ARFIP2: variants seen among roughly 807,000 people sequenced by gnomAD.
The protein encoded by ARFIP2 is ARF interacting protein 2.
A neutral mutation model predicts 39.2 loss-of-function variants in ARFIP2; 14 were observed. The observed-to-expected ratio is 0.36, with a 90% CI of 0.24 to 0.56. The LOEUF (loss-of-function observed/expected upper bound fraction) is 0.56. Ranked by LOEUF, ARFIP2 falls within the 20% of genes least tolerant of loss-of-function variation. The pLI, the probability that ARFIP2 is intolerant of heterozygous loss-of-function variation, is 0.85. For missense variants in ARFIP2, 305 were observed against 422.5 expected, an observed-to-expected ratio of 0.72 and a Z score of 2.44; for synonymous variants, 167 against 172.4, an observed-to-expected ratio of 0.97 and a Z score of 0.24.
intron 4 of ARFIP2, 88 bp from the exon 5 acceptor site, chr11:6,479,047 T>G: frequency 6.3e-7 from 1 of 1,579,672 alleles, no homozygotes; most frequent in Admixed American, 1.7e-5. Context: ...AGGCTCCTAC[T>G]CTCAGCCACA....
rs1486456691 is a variant in ARFIP2 at position 6,478,412 on chromosome 11, A to G, written c.538-214T>C. On this transcript the variant is annotated intron_variant, in intron 5 of 7. Coordinates refer to ENST00000396777, the MANE Select transcript of ARFIP2 (RefSeq NM_001376558.2). The surrounding 1 kb of genome is among the most constrained non-coding windows in gnomAD (Gnocchi z 4.8). ...ATGTGGGTGGTGGGCATTCTTGGGT[A>G]AGTTCACAAGACTGGAACAGTCTGA... 1.3e-5 allele frequency among the ~76,000 whole-genome samples: 2 copies of G among 152,046 alleles called. No homozygotes were observed. Among genetic ancestry groups the G allele is most frequent in the African/African-American group, 4.8e-5 (2 of 41,410 alleles).
At chr11:6,479,093 G>A (rs1274801889) in intron 4 of ARFIP2, 47 bp downstream of exon 4, 1 of 1,595,910 alleles carries the variant, frequency 6.3e-7, no homozygotes, top group Admixed American at 1.7e-5. Context: ...AAGGGAAAAA[G>A]GTACCCATAA....
Position 6,478,925 on chromosome 11 carries a change from C to T in ARFIP2, c.350G>A (p.Arg117Gln), listed in dbSNP as rs1851408014. 2 of 1,614,170 alleles carry T rather than the reference C, an allele frequency of 1.2e-6. No homozygotes were observed. Among genetic ancestry groups the T allele is most frequent in the Non-Finnish European group, 8.5e-7 (1 of 1,180,016 alleles). The part of the protein sequence containing the change: ...TKQLLSERFG[R>Q]GSRTVDLELE... The stretch of plus-strand genomic sequence containing the variant: ...CTCCAGGTCCACAGTCCGTGAGCCT[C>T]GACCAAATCGTTCTGATAACAGTTG... The change falls in exon 5 of 8, where the codon CGA (arginine) becomes CAA (glutamine). Residue 117 changes from arginine to glutamine, a missense_variant. Physicochemically the swap from Arg to Gln is conservative, Grantham distance 43. This residue lies in a region of ARFIP2 where 151 missense variants were observed against 203.1 expected (regional missense o/e 0.74). Coordinates refer to ENST00000396777, the MANE Select transcript of ARFIP2 (RefSeq NM_001376558.2). The surrounding 1 kb of genome is among the most constrained non-coding windows in gnomAD (Gnocchi z 4.8).
At position 6,478,398 on chromosome 11, in the gene ARFIP2, G is replaced by A. The variant is rs1041594844; in HGVS notation, c.538-200C>T. ...TACCTGGGGTAGGAATGTGGGTGGT[G>A]GGCATTCTTGGGTAAGTTCACAAGA... On this transcript the variant is annotated intron_variant, in intron 5 of 7. Coordinates refer to ENST00000396777, the MANE Select transcript of ARFIP2 (RefSeq NM_001376558.2). This position sits in a 1 kb window ranked among gnomAD's most constrained non-coding sequence, Gnocchi z 4.8. 2.0e-5 allele frequency among the ~76,000 whole-genome samples: 3 copies of A among 152,086 alleles called. No homozygotes were observed. The highest frequency in any genetic ancestry group is 2.9e-5 in the Non-Finnish European group (2 of 68,006).
rs557742142 is a variant in ARFIP2, at chr11:6,476,797, G to C, written c.*316C>G. 3.4e-6 allele frequency: 1 copy of C among 297,102 alleles called. No homozygotes were observed. The highest frequency in any genetic ancestry group is 6.9e-5 in the East Asian group (1 of 14,528). 18.4% of individuals were successfully genotyped at this position (297,102 alleles called of 1,614,324 possible). A position where few individuals can be genotyped will look rare whatever the true frequency, so the allele number is the denominator to read the frequency against. ...CATTTTCAGGCTCTGTCATTGGTCA[G>C]GGAGCACACCCCAGCCTGAAGAGTG... On this transcript the variant is annotated 3_prime_UTR_variant, in exon 8 of 8. Transcript: ENST00000396777.
Position 6,479,345 on chromosome 11 carries a change from G to A in ARFIP2, c.197-87C>T. On this transcript the variant is annotated intron_variant, in intron 3 of 7. Transcript: ENST00000396777. ...CACCCATACTTCTCTTCGAGCACAT[G>A]AAATTGACTTCCCTGAAGGAGATGC... 6.2e-7 allele frequency: 1 copy of A among 1,608,622 alleles called. No homozygotes were observed. The highest frequency in any genetic ancestry group is 8.5e-7 in the Non-Finnish European group (1 of 1,179,956).
intron 3 of ARFIP2, 67 bp from the exon 4 acceptor site, chr11:6,479,325 A>G: frequency 6.2e-7 from 1 of 1,612,010 alleles, no homozygotes; most frequent in South Asian, 1.1e-5. Flanking sequence ...GGCCCCACCC[A>G]TACTTCTCTT....
In ARFIP2 at chr11:6,478,121, G is replaced by A; in HGVS notation, c.615C>T (p.Phe205=). Residue 205 remains phenylalanine, a synonymous_variant, in exon 6 of 8, where the codon TTC becomes TTT. Coordinates refer to ENST00000396777, the MANE Select transcript of ARFIP2 (RefSeq NM_001376558.2). This position sits in a 1 kb window ranked among gnomAD's most constrained non-coding sequence, Gnocchi z 4.8. ...CCAATGTGTTGATGCTAGAGACAAA[G>A]AAGTTCACGGCTCCTAGCAGCGTTT... The part of the protein sequence containing the change: ...NGETLLGAVN[F]FVSSINTLVT... 6.2e-7 allele frequency: 1 copy of A among 1,614,120 alleles called. No individual in the cohort carries two copies. Among genetic ancestry groups the A allele is most frequent in the Non-Finnish European group, 8.5e-7 (1 of 1,180,016 alleles).
rs377571127 is a variant in ARFIP2, at chr11:6,477,941, C to G, written c.696-49G>C. 14 of 1,607,106 alleles carry G rather than the reference C, an allele frequency of 8.7e-6. No individual in the cohort carries two copies. The African/African-American group carries it at 1.9e-4, about 22-fold the overall frequency. ...GGTCTCCACTCCTTTATCCTCAACACATACTCTCCTTTCCTTCCTGAATTC... is the reference window on the plus strand; with the variant it reads ...GGTCTCCACTCCTTTATCCTCAACAGATACTCTCCTTTCCTTCCTGAATTC... On this transcript the variant is annotated intron_variant, in intron 6 of 7. Transcript: ENST00000396777. This position sits in a 1 kb window ranked among gnomAD's most constrained non-coding sequence, Gnocchi z 4.8.
Position 6,481,285 on chromosome 11 carries a change from C to G in ARFIP2, c.-97G>C. ...CGCCAGGCCCGGGCCGCGCGGGGACCTCGGGCTCCAGTTCCCGTCGCGATC... is the reference window on the plus strand; with the variant it reads ...CGCCAGGCCCGGGCCGCGCGGGGACGTCGGGCTCCAGTTCCCGTCGCGATC... On this transcript the variant is annotated 5_prime_UTR_variant, in exon 1 of 8. Transcript: ENST00000396777. The G allele has an allele frequency of 3.0e-6, 2 of 658,026 alleles. No homozygotes were observed. Among genetic ancestry groups the G allele is most frequent in the Non-Finnish European group, 5.1e-6 (2 of 390,390 alleles). The allele number at this position is 658,026 out of a possible 1,614,324, so 40.8% of individuals were successfully genotyped here. A position where few individuals can be genotyped will look rare whatever the true frequency, so the allele number is the denominator to read the frequency against.
At chr11:6,479,352 A>T in intron 3 of ARFIP2, 94 bp from the exon 4 acceptor site, 1 of 1,607,016 alleles carries the variant, frequency 6.2e-7, no homozygotes, top group Non-Finnish European at 8.5e-7. Flanking sequence ...CATGAAATTG[A>T]CTTCCCTGAA....
In ARFIP2 at chr11:6,478,517, T is replaced by C. The variant is rs943278994; in HGVS notation, c.537+221A>G. The C allele has an allele frequency of 5.0e-6, 7 of 1,390,338 alleles. No individual in the cohort carries two copies. The African/African-American group carries it at 1.0e-4, about 20-fold the overall frequency. The allele number at this position is 1,390,338 out of a possible 1,614,324, so 86.1% of individuals were successfully genotyped here. ...TCTCCCCAGTGCAGAGAGGGGTTAT[T>C]TGTGAGGCACCTAGTGTGCCCCCTC... On this transcript the variant is annotated intron_variant, in intron 5 of 7. Transcript: ENST00000396777. The surrounding 1 kb of genome is among the most constrained non-coding windows in gnomAD (Gnocchi z 4.8).
Position 6,477,252 on chromosome 11 carries a change from T to C in ARFIP2, c.887A>G (p.Lys296Arg), listed in dbSNP as rs1301496090. ...AGCATTGTGGAAGAGCAGCAGCTGC[T>C]TGTGCATCACCTTGATCTGGGGGTC... ...LEENKIKVMH[K>R]QLLLFHNAVS... The change falls in exon 8 of 8, where the codon AAG (lysine) becomes AGG (arginine). Residue 296 changes from lysine (K) to arginine (R), a missense_variant. Lys to Arg is a conservative substitution (Grantham distance 26). Coordinates refer to ENST00000396777, the MANE Select transcript of ARFIP2 (RefSeq NM_001376558.2). This position sits in a 1 kb window ranked among gnomAD's most constrained non-coding sequence, Gnocchi z 4.8. The C allele has an allele frequency of 9.3e-6, 15 of 1,613,274 alleles. No individual in the cohort carries two copies. Among genetic ancestry groups the C allele is most frequent in the Non-Finnish European group, 1.3e-5 (15 of 1,179,786 alleles).
In ARFIP2 at chr11:6,477,753, C is replaced by T. The variant is rs1242850279; in HGVS notation, c.835G>A (p.Val279Met). The T allele has an allele frequency of 6.2e-7, 1 of 1,613,904 alleles. No individual in the cohort carries two copies. Among genetic ancestry groups the T allele is most frequent in the South Asian group, 1.1e-5 (1 of 91,064 alleles). Residue 279 changes from valine (V) to methionine (M), a missense_variant, in exon 7 of 8, where the codon GTG becomes ATG. Around this residue, in one of 3 missense-constraint regions of ARFIP2, gnomAD observed 112 missense variants for 118.2 expected, o/e 0.95. Transcript: ENST00000396777. This position sits in a 1 kb window ranked among gnomAD's most constrained non-coding sequence, Gnocchi z 4.8. ...TCCAGGAACTTGAGCTTGATGGCCA[C>T]ATCTCCCCGCAGCTTCTCATACTTG... ...RDKYEKLRGD[V>M]AIKLKFLEEN...
Position 6,477,347 on chromosome 11 carries a change from A to AC in ARFIP2, c.871-80dup. Reference sequence around the variant, plus strand: ...TCTATGAGCCTGAGCCCAGGCACAGACCAGGGGCACAAGGACTCTGCTCTG... The same window carrying AC: ...TCTATGAGCCTGAGCCCAGGCACAGACCCAGGGGCACAAGGACTCTGCTCTG... On this transcript the variant is annotated intron_variant, in intron 7 of 7. Coordinates refer to ENST00000396777, the MANE Select transcript of ARFIP2 (RefSeq NM_001376558.2). This position sits in a 1 kb window ranked among gnomAD's most constrained non-coding sequence, Gnocchi z 4.8. 1 of 1,498,766 alleles carries AC rather than the reference A, an allele frequency of 6.7e-7. No homozygotes were observed. The highest frequency in any genetic ancestry group is 9.0e-7 in the Non-Finnish European group (1 of 1,113,798). 92.8% of individuals were successfully genotyped at this position (1,498,766 alleles called of 1,614,324 possible). A position where few individuals can be genotyped will look rare whatever the true frequency, so the allele number is the denominator to read the frequency against.
chr11:6,481,013 G>A (rs1030870103), intron 1 of ARFIP2: 8 of 200,720 alleles, frequency 4.0e-5, no homozygotes, highest in African/African-American at 1.4e-4. Flanking sequence ...TAGATCAGTG[G>A]GTGTATGTTC....
At chr11:6,480,638 A>T in intron 1 of ARFIP2, 175 bp from the exon 2 acceptor site, 1 of 485,890 alleles carries the variant, frequency 2.1e-6, no homozygotes, top group Non-Finnish European at 3.6e-6. Flanking sequence ...TGAAACAGGC[A>T]CACCAAAGCA....
chr11:6,477,364 T>G lies in ARFIP2; in HGVS notation c.871-96A>C, dbSNP rs1851193712. 32 of 1,405,096 alleles carry G rather than the reference T, an allele frequency of 2.3e-5. No individual in the cohort carries two copies. Among genetic ancestry groups the G allele is most frequent in the Non-Finnish European group, 2.9e-5 (30 of 1,044,614 alleles). The allele number at this position is 1,405,096 out of a possible 1,614,324, so 87.0% of individuals were successfully genotyped here. A position where few individuals can be genotyped will look rare whatever the true frequency, so the allele number is the denominator to read the frequency against. On this transcript the variant is annotated intron_variant, in intron 7 of 7. Coordinates refer to ENST00000396777, the MANE Select transcript of ARFIP2 (RefSeq NM_001376558.2). The surrounding 1 kb of genome is among the most constrained non-coding windows in gnomAD (Gnocchi z 4.8). The stretch of plus-strand genomic sequence containing the variant: ...AGGCACAGACCAGGGGCACAAGGAC[T>G]CTGCTCTGATGGTGCTTTTGGGGTA...
rs1211443868 is a variant in ARFIP2, at chr11:6,477,326, T to C, written c.871-58A>G. On this transcript the variant is annotated intron_variant, in intron 7 of 7. Transcript: ENST00000396777. The surrounding 1 kb of genome is among the most constrained non-coding windows in gnomAD (Gnocchi z 4.8). ...CTCAGGCGCCCTTCTTGAGGGTCTATGAGCCTGAGCCCAGGCACAGACCAG... is the reference window on the plus strand; with the variant it reads ...CTCAGGCGCCCTTCTTGAGGGTCTACGAGCCTGAGCCCAGGCACAGACCAG... 1.9e-6 allele frequency: 3 copies of C among 1,562,902 alleles called. No homozygotes were observed. Among genetic ancestry groups the C allele is most frequent in the Non-Finnish European group, 2.6e-6 (3 of 1,153,616 alleles).
Sources: gnomAD v4.1 joint callset for allele counts (sites outside exome capture counted in the v4.1 genomes callset) on GRCh38, gnomAD v4.1.1 for gene constraint, gnomAD v4.1.1 regional missense constraint, Gnocchi (gnomAD v3.1) non-coding constraint, MANE v1.5 for transcripts, NCBI Gene and HGNC (gene_info 2026-07-23, HGNC 2026-07-21) for gene names.